Variants in DSCAM observed in about 807,000 individuals in gnomAD.
The protein encoded by DSCAM is cell adhesion molecule DSCAM.
Under a neutral mutation model 217.7 loss-of-function variants are expected in DSCAM, and 47 were observed. That is an observed-to-expected ratio of 0.22 (90% CI 0.17 to 0.28). The LOEUF (loss-of-function observed/expected upper bound fraction) is 0.28, where lower values mean the gene tolerates loss of function less well. DSCAM is among the 10% of genes least tolerant of loss of function. The probability of loss-of-function intolerance (pLI) is 1.00; values close to 1 mark genes in which losing one functional copy is unlikely to be tolerated. For synonymous variants in DSCAM, 1,056 were observed against 1,015.3 expected (o/e 1.04, Z -0.76); for missense variants, 2,080 against 2,618.3 (o/e 0.79, Z 4.49).
chr21:40,651,299 T>C (rs954651263), intron 3 of DSCAM, among the ~76,000 whole-genome samples: 2 of 152,190 alleles, frequency 1.3e-5, no homozygotes, highest in Non-Finnish European at 2.9e-5. Flanking sequence ...GGCAAATTAC[T>C]GAGCACAACT....
chr21:40,354,482 C>T (rs1457878811), intron 4 of DSCAM, among the ~76,000 whole-genome samples: 12 of 152,108 alleles, frequency 7.9e-5, no homozygotes, highest in Non-Finnish European at 1.6e-4. Context: ...ATCCTCCTGC[C>T]TGGGCCTCCC....
intron 6 of DSCAM, among the ~76,000 whole-genome samples, chr21:40,345,523 T>C (rs547785901): frequency 6.6e-6 from 1 of 152,332 alleles, no homozygotes; most frequent in East Asian, 1.9e-4. Context: ...TTTTTTAAAA[T>C]CATTCCATTT....
At chr21:40,638,516 G>A (rs917970952) in intron 3 of DSCAM, among the ~76,000 whole-genome samples, 1 of 152,180 alleles carries the variant, frequency 6.6e-6, no homozygotes, top group East Asian at 1.9e-4. Flanking sequence ...GGAACTCAGA[G>A]TTTATAAAAT....
chr21:40,598,497 G>GTTTTTTTTTTTTTTTTTTTTTTTTTTT (rs71186947), intron 3 of DSCAM, among the ~76,000 whole-genome samples: 1 of 66,790 alleles, frequency 1.5e-5, no homozygotes, highest in Non-Finnish European at 2.6e-5. Context: ...CTGCCAAACT[G>GTTTTTTTTTTTTTTTTTTTTTTTTTTT]TTTTTTTTTT....
intron 7 of DSCAM, 124 bp from the exon 8 acceptor site, chr21:40,338,500 A>T: frequency 1.9e-6 from 2 of 1,073,948 alleles, no homozygotes; most frequent in Non-Finnish European, 2.6e-6. Flanking sequence ...TTTTTCAGTT[A>T]AACAAATATT....
chr21:40,607,632 T>C (rs972839890), intron 3 of DSCAM, among the ~76,000 whole-genome samples: 2 of 152,222 alleles, frequency 1.3e-5, no homozygotes, highest in South Asian at 4.2e-4. Flanking sequence ...CCTCACACTG[T>C]TCTCATGCTA....
At chr21:40,239,879 C>G (rs953619206) in intron 11 of DSCAM, among the ~76,000 whole-genome samples, 8 of 152,200 alleles carry the variant, frequency 5.3e-5, no homozygotes, top group Non-Finnish European at 8.8e-5. Context: ...TTGTCTAACA[C>G]CTGCCCATTC....
In DSCAM at chr21:40,187,913, T is replaced by C. The variant is rs559111364; in HGVS notation, c.2628A>G (p.Gly876=). 1.3e-5 allele frequency: 21 copies of C among 1,613,990 alleles called. No individual in the cohort carries two copies. The highest frequency in any genetic ancestry group is 9.3e-5 in the African/African-American group (7 of 74,918). Reference sequence around the variant, plus strand: ...TACCTTGCACTGTGAGCTGAATTATTCCACGGTCCTCCCCATAAGAATTAA... The same window carrying C: ...TACCTTGCACTGTGAGCTGAATTATCCCACGGTCCTCCCCATAAGAATTAA... ...HAINSYGEDR[G]IIQLTVQEPP... Residue 876 remains glycine (G), a synonymous_variant, in exon 13 of 33, where the codon GGA becomes GGG. Transcript: ENST00000400454.
chr21:40,463,572 C>G (rs1021627332), intron 3 of DSCAM, among the ~76,000 whole-genome samples: 2 of 152,204 alleles, frequency 1.3e-5, no homozygotes, highest in South Asian at 4.1e-4. Flanking sequence ...TCTGTAGACC[C>G]AATCTCACCC....
chr21:40,335,464 A>C (rs926031955), intron 8 of DSCAM, among the ~76,000 whole-genome samples: 1 of 152,184 alleles, frequency 6.6e-6, no homozygotes, highest in Non-Finnish European at 1.5e-5. Flanking sequence ...CTTCAAAAGG[A>C]TTAAGATGAA....
chr21:40,620,684 A>G (rs967430274), intron 3 of DSCAM, among the ~76,000 whole-genome samples: 10 of 152,264 alleles, frequency 6.6e-5, no homozygotes, highest in African/African-American at 2.2e-4. Flanking sequence ...TGAGAATTCC[A>G]AATAGATTAG....
intron 1 of DSCAM, among the ~76,000 whole-genome samples, chr21:40,803,194 T>C (rs999801017): frequency 4.6e-5 from 7 of 152,230 alleles, no homozygotes; most frequent in African/African-American, 1.4e-4. Context: ...CTCATATGTT[T>C]TTCAAAATAA....
At chr21:40,334,900 AC>A (rs1292855613) in intron 8 of DSCAM, among the ~76,000 whole-genome samples, 1 of 149,894 alleles carries the variant, frequency 6.7e-6, no homozygotes, top group Non-Finnish European at 1.5e-5. Context: ...TCAGCAGAAA[AC>A]CCCACGTCCT....
At chr21:40,291,726 C>T (rs531760228) in intron 10 of DSCAM, among the ~76,000 whole-genome samples, 47 of 152,316 alleles carry the variant, frequency 3.1e-4, no homozygotes, top group African/African-American at 9.4e-4. Context: ...TTTGACAATG[C>T]TATTTTAAAT....
In DSCAM at chr21:40,296,137, G is replaced by A. The variant is rs144342043; in HGVS notation, c.2100C>T (p.Asp700=). ...GGATGACTGCTTTGCCATAAATCCC[G>A]TCCTGGTCCCGTGGCTGAACCACAA... ...PKFVVQPRDQ[D]GIYGKAVILN... is the part of the protein sequence containing the mutation. Residue 700 remains aspartate (D), a synonymous_variant, in exon 10 of 33, where the codon GAC becomes GAT. Transcript: ENST00000400454. 480 of 1,614,092 alleles carry A rather than the reference G, an allele frequency of 3.0e-4. 2 individuals carry two copies. The African/African-American group carries it at 4.1e-3, about 14-fold the overall frequency.
intron 3 of DSCAM, among the ~76,000 whole-genome samples, chr21:40,556,928 A>C (rs2076677139): frequency 6.6e-6 from 1 of 152,038 alleles, no homozygotes; most frequent in Non-Finnish European, 1.5e-5. Context: ...CTTCTCATTG[A>C]GTAGGCTGAG....
At chr21:40,266,753 A>C (rs1159288763) in intron 11 of DSCAM, among the ~76,000 whole-genome samples, 1 of 122,738 alleles carries the variant, frequency 8.1e-6, no homozygotes, top group Non-Finnish European at 1.6e-5. Context: ...TGTTAGATAT[A>C]TATCATCTTG....
intron 3 of DSCAM, among the ~76,000 whole-genome samples, chr21:40,582,367 C>A (rs1432228205): frequency 6.6e-6 from 1 of 151,842 alleles, no homozygotes; most frequent in Non-Finnish European, 1.5e-5. Context: ...TCTGTGAGTC[C>A]AAAAATGGGA....
chr21:40,291,181 T>G (rs1227096914), intron 10 of DSCAM, among the ~76,000 whole-genome samples: 2 of 152,174 alleles, frequency 1.3e-5, no homozygotes, highest in Non-Finnish European at 2.9e-5. Context: ...CAGAATCCAT[T>G]TGTCCCTCCT....
Sources: allele counts gnomAD v4.1 joint callset (sites outside exome capture counted in the v4.1 genomes callset), GRCh38; gene constraint gnomAD v4.1.1; transcripts MANE v1.5; gene names NCBI Gene and HGNC (gene_info 2026-07-23, HGNC 2026-07-21).